TBCD: variants seen among roughly 807,000 people sequenced by gnomAD.
TBCD encodes the protein tubulin folding cofactor D.
In TBCD, 105 loss-of-function variants were observed where a neutral mutation model predicts 169.3. That is an observed-to-expected ratio of 0.62 (90% CI 0.53 to 0.73). The LOEUF is 0.73. TBCD is among the 30% of genes least tolerant of loss of function. The probability of loss-of-function intolerance (pLI) is 0.00; values close to 1 mark genes in which losing one functional copy is unlikely to be tolerated. For synonymous variants in TBCD, 700 were observed against 643.9 expected, an observed-to-expected ratio of 1.09 and a Z score of -1.32; for missense variants, 1,444 against 1,600.1, an observed-to-expected ratio of 0.90 and a Z score of 1.66.
chr17:82,929,609 C>G (rs1391207842), intron 32 of TBCD, 109 bp downstream of exon 32: 3 of 1,450,820 alleles, frequency 2.1e-6, no homozygotes, highest in Non-Finnish European at 2.8e-6. Flanking sequence ...CCATTGCTTT[C>G]TATCTCTCTC....
intron 13 of TBCD, among the ~76,000 whole-genome samples, chr17:82,817,305 T>C (rs899034023): frequency 6.6e-6 from 1 of 151,876 alleles, no homozygotes; most frequent in African/African-American, 2.4e-5. Flanking sequence ...AACTTTTTTT[T>C]CTTTTTTTGA....
chr17:82,779,821 C>T (rs527384684), intron 6 of TBCD, among the ~76,000 whole-genome samples: 8 of 152,258 alleles, frequency 5.3e-5, no homozygotes, highest in Admixed American at 2.6e-4. Context: ...CCAGCTTCCA[C>T]GTCTCACCTT....
rs149193436 is a variant in TBCD, at chr17:82,796,470, A to T, written c.772-1287A>T. ...GAACGTGTTACTATCCATTTCGCTA[A>T]AGAGAAAGGGGCTAAGTCTCTGATC... is the stretch of plus-strand genomic sequence containing the variant. On this transcript the variant is annotated intron_variant, in intron 7 of 38. Coordinates refer to ENST00000355528, the MANE Select transcript of TBCD (RefSeq NM_005993.5). Among the ~76,000 whole-genome samples, 545 of 152,308 alleles carry T rather than the reference A, an allele frequency of 3.6e-3. 5 individuals carry two copies. The highest frequency in any genetic ancestry group is 0.012 in the African/African-American group (513 of 41,554).
At chr17:82,906,769 C>T (rs1487286242) in intron 20 of TBCD, among the ~76,000 whole-genome samples, 1 of 152,238 alleles carries the variant, frequency 6.6e-6, no homozygotes, top group Non-Finnish European at 1.5e-5. Flanking sequence ...CCCGCCCAAG[C>T]CTGAGGAAGC....
intron 35 of TBCD, chr17:82,937,744 T>C: frequency 2.2e-6 from 2 of 904,024 alleles, no homozygotes; most frequent in Non-Finnish European, 3.2e-6. Context: ...CAGCCAGCGA[T>C]AGGCACCTTG....
At position 82,889,568 on chromosome 17, in the gene TBCD, G is replaced by A. The variant is rs1215649289; in HGVS notation, c.1534-100G>A. On this transcript the variant is annotated intron_variant, in intron 15 of 38. Coordinates refer to ENST00000355528, the MANE Select transcript of TBCD (RefSeq NM_005993.5). This position sits in a 1 kb window ranked among gnomAD's most constrained non-coding sequence, Gnocchi z 5.3. Reference sequence around the variant, plus strand: ...TGAGGGCTTTTATTTAAAAAATAAAGCCGTGGGTCATTCACGTTGTGCTGT... The same window carrying A: ...TGAGGGCTTTTATTTAAAAAATAAAACCGTGGGTCATTCACGTTGTGCTGT... 4 of 1,423,424 alleles carry A rather than the reference G, an allele frequency of 2.8e-6. No individual in the cohort carries two copies. The highest frequency in any genetic ancestry group is 3.9e-6 in the Non-Finnish European group (4 of 1,018,442). 88.2% of individuals were successfully genotyped at this position (1,423,424 alleles called of 1,614,324 possible).
intron 13 of TBCD, chr17:82,830,073 G>A: frequency 6.2e-7 from 1 of 1,606,420 alleles, no homozygotes; most frequent in Non-Finnish European, 8.5e-7. Context: ...GTTCAGAGGT[G>A]TTGTAGCTTG....
chr17:82,832,598 A>C lies in TBCD; in HGVS notation c.1318+17664A>C. 1.3e-6 allele frequency: 1 copy of C among 764,314 alleles called. No individual in the cohort carries two copies. Among genetic ancestry groups the C allele is most frequent in the East Asian group, 2.7e-5 (1 of 37,628 alleles). 47.3% of individuals were successfully genotyped at this position (764,314 alleles called of 1,614,324 possible). The stretch of plus-strand genomic sequence containing the variant: ...TATCAGAAGCCAGCTCTGCGTGCTG[A>C]GGGTCTGGCGAGAGCCTCCGTCATC... On this transcript the variant is annotated intron_variant, in intron 13 of 38. Coordinates refer to ENST00000355528, the MANE Select transcript of TBCD (RefSeq NM_005993.5). The surrounding 1 kb of genome is among the most constrained non-coding windows in gnomAD (Gnocchi z 4.9).
At chr17:82,912,584 G>A (rs1360044809) in intron 23 of TBCD, among the ~76,000 whole-genome samples, 1 of 151,886 alleles carries the variant, frequency 6.6e-6, no homozygotes, top group Non-Finnish European at 1.5e-5. Flanking sequence ...GTGAGTGTGA[G>A]TGTGGAGGCA....
rs570075499 is a variant in TBCD at position 82,874,445 on chromosome 17, C to T, written c.1475+4065C>T. Among the ~76,000 whole-genome samples, 7 of 152,232 alleles carry T rather than the reference C, an allele frequency of 4.6e-5. No individual in the cohort carries two copies. Among genetic ancestry groups the T allele is most frequent in the African/African-American group, 9.6e-5 (4 of 41,542 alleles). On this transcript the variant is annotated intron_variant, in intron 14 of 38. Transcript: ENST00000355528. This position sits in a 1 kb window ranked among gnomAD's most constrained non-coding sequence, Gnocchi z 5.0. ...CCACCATGGCTCCCGGGTTCCCTTG[C>T]GCACACCGAGCCAGCAGCTGCTGGG...
chr17:82,822,386 T>TG (rs2052488050), intron 13 of TBCD, among the ~76,000 whole-genome samples: 1 of 152,172 alleles, frequency 6.6e-6, no homozygotes, highest in Non-Finnish European at 1.5e-5. Context: ...GAATAAGACT[T>TG]GGGGAAGACC....
At chr17:82,886,072 G>A in intron 15 of TBCD, 1 of 152,404 alleles carries the variant, frequency 6.6e-6, no homozygotes, top group Non-Finnish European at 1.5e-5. Flanking sequence ...GGAGGCAGCA[G>A]CAAAAGGCGT....
intron 13 of TBCD, among the ~76,000 whole-genome samples, chr17:82,869,088 C>T (rs1393660994): frequency 2.6e-5 from 4 of 152,144 alleles, no homozygotes; most frequent in African/African-American, 7.2e-5. Flanking sequence ...TCTGGGGAGG[C>T]TGAGCTGGGT....
At chr17:82,769,308 T>C (rs2048184784) in intron 5 of TBCD, among the ~76,000 whole-genome samples, 1 of 152,240 alleles carries the variant, frequency 6.6e-6, no homozygotes, top group Admixed American at 6.5e-5. Flanking sequence ...GAAACTCTGC[T>C]AATGAGATGG....
rs374580952 is a variant in TBCD at position 82,929,510 on chromosome 17, C to G, written c.2991+10C>G. The G allele has an allele frequency of 4.2e-5, 67 of 1,603,012 alleles. No homozygotes were observed. The highest frequency in any genetic ancestry group is 5.3e-5 in the Non-Finnish European group (63 of 1,179,776). On this transcript the variant is annotated intron_variant, in intron 32 of 38. Coordinates refer to ENST00000355528, the MANE Select transcript of TBCD (RefSeq NM_005993.5). ...CTTGACGGAGTCGACGGTGAGGAGG[C>G]GTCGGGCTGGCTGGGGCAGGAGGTG...
chr17:82,940,216 C>T (rs1236856618), intron 37 of TBCD, among the ~76,000 whole-genome samples: 3 of 85,340 alleles, frequency 3.5e-5, no homozygotes, highest in Non-Finnish European at 8.1e-5. Context: ...CTCACTTGCA[C>T]GCGCGCACAC....
rs558732232 is a variant in TBCD at position 82,930,367 on chromosome 17, C to G, written c.2992-155C>G. On this transcript the variant is annotated intron_variant, in intron 32 of 38. Coordinates refer to ENST00000355528, the MANE Select transcript of TBCD (RefSeq NM_005993.5). This position sits in a 1 kb window ranked among gnomAD's most constrained non-coding sequence, Gnocchi z 5.2. ...TGTCTGCACTGTGAGTGGCTCCGTG[C>G]TGGCGTCCGCACCAGCCGCTTGGGG... 9 of 1,110,214 alleles carry G rather than the reference C, an allele frequency of 8.1e-6. No individual in the cohort carries two copies. The South Asian group carries it at 1.5e-4, about 18-fold the overall frequency. 68.8% of individuals were successfully genotyped at this position (1,110,214 alleles called of 1,614,324 possible).
chr17:82,926,724 A>G (rs1313356738), intron 28 of TBCD: 2 of 581,126 alleles, frequency 3.4e-6, no homozygotes, highest in Non-Finnish European at 6.1e-6. Flanking sequence ...GGAGAATTGG[A>G]GAATGTGTCC....
At position 82,805,905 on chromosome 17, in the gene TBCD, A is replaced by C. The variant is rs1175869824; in HGVS notation, c.981A>C (p.Ala327=). 6.2e-7 allele frequency: 1 copy of C among 1,611,358 alleles called. No homozygotes were observed. The highest frequency in any genetic ancestry group is 1.7e-5 in the Admixed American group (1 of 59,978). Residue 327 remains alanine (A), a synonymous_variant, in exon 10 of 39, where the codon GCA becomes GCC. Coordinates refer to ENST00000355528, the MANE Select transcript of TBCD (RefSeq NM_005993.5). Reference sequence around the variant, plus strand: ...AGCGTGGCTGCCGATCTTTGGCTGCAAATCTGCAGCTCCTCACTCAGGGTC... The same window carrying C: ...AGCGTGGCTGCCGATCTTTGGCTGCCAATCTGCAGCTCCTCACTCAGGGTC... ...RYQRGCRSLA[A]NLQLLTQGQS...
Sources: allele counts gnomAD v4.1 joint callset (sites outside exome capture counted in the v4.1 genomes callset), GRCh38; gene constraint gnomAD v4.1.1; non-coding constraint Gnocchi (gnomAD v3.1); transcripts MANE v1.5; gene names NCBI Gene and HGNC (gene_info 2026-07-23, HGNC 2026-07-21).